CELSR2: variants seen among roughly 807,000 people sequenced by gnomAD.
The protein encoded by CELSR2 is cadherin EGF LAG seven-pass G-type receptor 2.
CELSR2 carries 81 observed loss-of-function variants against 251.6 expected under a neutral mutation model. That is an observed-to-expected ratio of 0.32 (90% CI 0.27 to 0.39). The LOEUF is 0.39. Among genes scored for constraint, CELSR2 ranks in the 10% least tolerant of loss-of-function variants. CELSR2 has a pLI of 1.00. For synonymous variants in CELSR2, 1,721 were observed against 1,670.5 expected, an observed-to-expected ratio of 1.03 and a Z score of -0.74; for missense variants, 3,365 against 3,947.7, an observed-to-expected ratio of 0.85 and a Z score of 3.96.
chr1:109,267,328 C>T (rs927949813), intron 15 of CELSR2, among the ~76,000 whole-genome samples: 12 of 152,096 alleles, frequency 7.9e-5, no homozygotes, highest in African/African-American at 2.7e-4. Flanking sequence ...TCAAGGAGGT[C>T]GTATGCCCTG....
rs768924313 is a variant in CELSR2 at position 109,269,237 on chromosome 1, C to T, written c.6759C>T (p.Arg2253=). 1 of 1,613,058 alleles carries T rather than the reference C, an allele frequency of 6.2e-7. No individual in the cohort carries two copies. The highest frequency in any genetic ancestry group is 8.5e-7 in the Non-Finnish European group (1 of 1,179,930). ...GEAVASVIIY[R]TLAGLLPHNY... is the part of the protein sequence containing the mutation. ...CTGTGGCCAGCGTCATCATCTACCGCACCCTGGCCGGGCTACTGCCTCATA... is the reference window on the plus strand; with the variant it reads ...CTGTGGCCAGCGTCATCATCTACCGTACCCTGGCCGGGCTACTGCCTCATA... Residue 2253 remains arginine (R), a synonymous_variant, in exon 20 of 34, where the codon CGC becomes CGT. Coordinates refer to ENST00000271332, the MANE Select transcript of CELSR2 (RefSeq NM_001408.3). The surrounding 1 kb of genome is among the most constrained non-coding windows in gnomAD (Gnocchi z 6.4).
Position 109,269,335 on chromosome 1 carries a change from G to A in CELSR2, c.6812+45G>A, listed in dbSNP as rs772917770. ...GTGTGGGTAGGGGTATGGGTCGGGC[G>A]GTGAGTGCTGAGGCATGGAGGGGGT... On this transcript the variant is annotated intron_variant, in intron 20 of 33. Transcript: ENST00000271332. The surrounding 1 kb of genome is among the most constrained non-coding windows in gnomAD (Gnocchi z 6.4). 1.5e-5 allele frequency: 24 copies of A among 1,611,182 alleles called. No homozygotes were observed. The highest frequency in any genetic ancestry group is 1.8e-5 in the Non-Finnish European group (21 of 1,179,150).
Position 109,270,908 on chromosome 1 carries a change from G to C in CELSR2, c.7484-19G>C, listed in dbSNP as rs200470201. The C allele has an allele frequency of 6.3e-7, 1 of 1,585,874 alleles. No individual in the cohort carries two copies. Among genetic ancestry groups the C allele is most frequent in the Non-Finnish European group, 8.6e-7 (1 of 1,157,926 alleles). ...CCCTCATCACCCCTCCACTGCTCCC[G>C]TCTGTCTCCATGCTCCAGGGCTAGC... On this transcript the variant is annotated intron_variant, in intron 24 of 33. Transcript: ENST00000271332.
At chr1:109,255,533 GCTC>G (rs1655821555) in intron 1 of CELSR2, among the ~76,000 whole-genome samples, 1 of 152,222 alleles carries the variant, frequency 6.6e-6, no homozygotes, top group Non-Finnish European at 1.5e-5. Flanking sequence ...GGTCTGGGCA[GCTC>G]CCAGAACAGC....
In CELSR2 at chr1:109,251,074, C is replaced by A; in HGVS notation, c.995C>A (p.Ser332Tyr). The change falls in exon 1 of 34, where the codon TCT becomes TAT. Residue 332 changes from serine (S) to tyrosine (Y), a missense_variant. Transcript: ENST00000271332. The surrounding 1 kb of genome is among the most constrained non-coding windows in gnomAD (Gnocchi z 4.9). Reference protein sequence around the residue: ...ANILYRLLEGSGGSPSEVFEI... With the variant: ...ANILYRLLEGYGGSPSEVFEI... ...ATTCTGTACCGCCTGCTGGAGGGGT[C>A]TGGGGGCAGCCCCTCTGAAGTCTTT... 6.2e-7 allele frequency: 1 copy of A among 1,613,446 alleles called. No individual in the cohort carries two copies. Among genetic ancestry groups the A allele is most frequent in the Non-Finnish European group, 8.5e-7 (1 of 1,179,918 alleles).
rs762582005 is a variant in CELSR2 at position 109,268,549 on chromosome 1, G to A, written c.6319-32G>A. ...GGTGGGGATGTCAGGTGTGGGTTGTGAGCACACCCACCGTGACCTTGCCCA... is the reference window on the plus strand; with the variant it reads ...GGTGGGGATGTCAGGTGTGGGTTGTAAGCACACCCACCGTGACCTTGCCCA... On this transcript the variant is annotated intron_variant, in intron 17 of 33. Transcript: ENST00000271332. 1.9e-6 allele frequency: 3 copies of A among 1,577,256 alleles called. No homozygotes were observed. In the Admixed American group the frequency reaches 5.2e-5, roughly 27 times the overall value.
At chr1:109,253,672 C>T (rs948619622) in intron 1 of CELSR2, among the ~76,000 whole-genome samples, 2 of 152,184 alleles carry the variant, frequency 1.3e-5, no homozygotes, top group Admixed American at 6.5e-5. Flanking sequence ...TGTGAGGCTG[C>T]CCCGGCTATG....
In CELSR2 at chr1:109,265,327, A is replaced by C; in HGVS notation, c.5727+16A>C. 1 of 1,587,322 alleles carries C rather than the reference A, an allele frequency of 6.3e-7. No individual in the cohort carries two copies. The highest frequency in any genetic ancestry group is 8.6e-7 in the Non-Finnish European group (1 of 1,166,106). On this transcript the variant is annotated intron_variant, in intron 13 of 33. Coordinates refer to ENST00000271332, the MANE Select transcript of CELSR2 (RefSeq NM_001408.3). ...CCACTGCAAGGTGACAGCCCCAAGC[A>C]AGCCTCCACTGTGGCCACTTGGGCC...
At chr1:109,263,871 A>AG in intron 9 of CELSR2, 94 bp downstream of exon 9, 1 of 1,493,070 alleles carries the variant, frequency 6.7e-7, no homozygotes, top group Non-Finnish European at 8.9e-7. Context: ...GGTCCTGGGC[A>AG]GGGGTGGGGA....
chr1:109,260,964 A>G, intron 2 of CELSR2, 78 bp from the exon 3 acceptor site: 1 of 1,120,014 alleles, frequency 8.9e-7, no homozygotes, highest in Non-Finnish European at 1.3e-6. Context: ...CATGGGAGCT[A>G]TCACTGGGTT....
rs762327571 is a variant in CELSR2, at chr1:109,250,525, A to G, written c.446A>G (p.Lys149Arg). The G allele has an allele frequency of 6.2e-7, 1 of 1,613,856 alleles. No individual in the cohort carries two copies. Residue 149 changes from lysine to arginine, a missense_variant, in exon 1 of 34, where the codon AAG becomes AGG. By Grantham distance (26) the Lys-to-Arg change is conservative. This residue lies in a region of CELSR2 where 704 missense variants were observed against 784.1 expected (regional missense o/e 0.90). Coordinates refer to ENST00000271332, the MANE Select transcript of CELSR2 (RefSeq NM_001408.3). This position sits in a 1 kb window ranked among gnomAD's most constrained non-coding sequence, Gnocchi z 4.4. Reference sequence around the variant, plus strand: ...CCACGGCTCAGATGCCAGTCCTGCAAGCTGGCACAGGCCCCCGGGCTCAGG... The same window carrying G: ...CCACGGCTCAGATGCCAGTCCTGCAGGCTGGCACAGGCCCCCGGGCTCAGG... ...KAPRLRCQSC[K>R]LAQAPGLRAG... is the part of the protein sequence containing the mutation.
Position 109,264,472 on chromosome 1 carries a change from A to G in CELSR2, c.5308A>G (p.Thr1770Ala), listed in dbSNP as rs1449021146. ...GCLQGVRVSD[T>A]PEGVNSLDPS... ...CTCCCAGGGTGTGCGGGTGAGCGAT[A>G]CGCCGGAGGGGGTTAACAGCCTGGA... is the stretch of plus-strand genomic sequence containing the variant. The change falls in exon 11 of 34, where the codon ACG (threonine) becomes GCG (alanine). Residue 1770 changes from threonine to alanine, a missense_variant. Coordinates refer to ENST00000271332, the MANE Select transcript of CELSR2 (RefSeq NM_001408.3). The G allele has an allele frequency of 1.2e-6, 2 of 1,613,260 alleles. No homozygotes were observed. Among genetic ancestry groups the G allele is most frequent in the South Asian group, 2.2e-5 (2 of 91,082 alleles).
At position 109,274,121 on chromosome 1, in the gene CELSR2, T is replaced by C. The variant is rs1570797382; in HGVS notation, c.*72T>C. ...CCGCACTCATGCCCTGCTCCTGTCT[T>C]GTGCTTTATCCTGCCCCGCTCCCCA... On this transcript the variant is annotated 3_prime_UTR_variant, in exon 34 of 34. Transcript: ENST00000271332. 5 of 1,612,812 alleles carry C rather than the reference T, an allele frequency of 3.1e-6. No individual in the cohort carries two copies. The highest frequency in any genetic ancestry group is 4.2e-6 in the Non-Finnish European group (5 of 1,179,888).
At position 109,253,044 on chromosome 1, in the gene CELSR2, C is replaced by T. The variant is rs531729807; in HGVS notation, c.2965C>T (p.Arg989Trp). The change falls in exon 1 of 34, where the codon CGG (arginine) becomes TGG (tryptophan). Residue 989 changes from arginine to tryptophan, a missense_variant. Physicochemically the swap from Arg to Trp is moderately radical, Grantham distance 101 (BLOSUM62 -3). Coordinates refer to ENST00000271332, the MANE Select transcript of CELSR2 (RefSeq NM_001408.3). ...TALVDLDYED[R>W]PEYVLVIQAT... is the part of the protein sequence containing the mutation. ...CCTGGTAGACTTAGACTACGAGGACCGGCCTGAGTACGTCCTGGTCATCCA... is the reference window on the plus strand; with the variant it reads ...CCTGGTAGACTTAGACTACGAGGACTGGCCTGAGTACGTCCTGGTCATCCA... The T allele has an allele frequency of 2.8e-5, 45 of 1,613,656 alleles. No homozygotes were observed. The highest frequency in any genetic ancestry group is 3.5e-5 in the Non-Finnish European group (41 of 1,180,006).
intron 24 of CELSR2, 110 bp downstream of exon 24, chr1:109,270,710 G>A: frequency 7.2e-7 from 1 of 1,385,046 alleles, no homozygotes; most frequent in Non-Finnish European, 9.9e-7. Context: ...CCATGCCCCA[G>A]GCCGCCTTAT....
chr1:109,269,878 G>A lies in CELSR2; in HGVS notation c.7108-55G>A. The A allele has an allele frequency of 2.5e-6, 4 of 1,613,612 alleles. No homozygotes were observed. The highest frequency in any genetic ancestry group is 3.4e-6 in the Non-Finnish European group (4 of 1,179,740). ...GGTGGGCACCCAGGGCACGGGGCTGGGTGCTCAGGTCCTGCCCTTCCTAAT... is the reference window on the plus strand; with the variant it reads ...GGTGGGCACCCAGGGCACGGGGCTGAGTGCTCAGGTCCTGCCCTTCCTAAT... On this transcript the variant is annotated intron_variant, in intron 22 of 33. Transcript: ENST00000271332. The surrounding 1 kb of genome is among the most constrained non-coding windows in gnomAD (Gnocchi z 6.4).
Position 109,263,649 on chromosome 1 carries a change from G to C in CELSR2, c.4873G>C (p.Val1625Leu). 6.2e-7 allele frequency: 1 copy of C among 1,614,078 alleles called. No homozygotes were observed. Among genetic ancestry groups the C allele is most frequent in the South Asian group, 1.1e-5 (1 of 91,086 alleles). Residue 1625 changes from valine to leucine, a missense_variant, in exon 9 of 34, where the codon GTG becomes CTG. Val to Leu is a conservative substitution (Grantham distance 32, BLOSUM62 1). Transcript: ENST00000271332. ...ACAGCACTTCCTGGGCAGCAGCCTG[G>C]TGGCCTGGCATGGCCTCTCGCTGCC... ...NPQHFLGSSL[V>L]AWHGLSLPIS...
Position 109,271,199 on chromosome 1 carries a change from C to T in CELSR2, c.7597-18C>T. 1.2e-6 allele frequency: 2 copies of T among 1,611,976 alleles called. No homozygotes were observed. The highest frequency in any genetic ancestry group is 1.3e-5 in the African/African-American group (1 of 75,008). ...GTTTGTCCCCACTGAGCACCCCATG[C>T]CCTCTGCCCCTGCCTAGATGAGTGT... On this transcript the variant is annotated intron_variant, in intron 25 of 33. Coordinates refer to ENST00000271332, the MANE Select transcript of CELSR2 (RefSeq NM_001408.3).
At position 109,271,244 on chromosome 1, in the gene CELSR2, G is replaced by C; in HGVS notation, c.7624G>C (p.Ala2542Pro). ...SMSVFLYILA[A>P]RASCAAQRQG... Reference sequence around the variant, plus strand: ...GAGTGTCTTCCTGTACATCCTGGCGGCCCGGGCCTCCTGTGCTGCCCAGCG... The same window carrying C: ...GAGTGTCTTCCTGTACATCCTGGCGCCCCGGGCCTCCTGTGCTGCCCAGCG... Residue 2542 changes from alanine (A) to proline (P), a missense_variant, in exon 26 of 34, where the codon GCC becomes CCC. Around this residue, in one of 5 missense-constraint regions of CELSR2, gnomAD observed 2,093 missense variants for 2,382.8 expected, o/e 0.88. Transcript: ENST00000271332. 2 of 1,614,040 alleles carry C rather than the reference G, an allele frequency of 1.2e-6. No homozygotes were observed. Among genetic ancestry groups the C allele is most frequent in the Middle Eastern group, 3.3e-4 (2 of 6,062 alleles).
Sources: allele counts gnomAD v4.1 joint callset (sites outside exome capture counted in the v4.1 genomes callset), GRCh38; gene constraint gnomAD v4.1.1; regional missense constraint gnomAD v4.1.1; non-coding constraint Gnocchi (gnomAD v3.1); transcripts MANE v1.5; gene names NCBI Gene and HGNC (gene_info 2026-07-23, HGNC 2026-07-21).